The following SPACA9 variants were observed in gnomAD, a reference collection of about 807,000 sequenced individuals.
The protein encoded by SPACA9 is sperm acrosome associated 9, also known as sperm acrosome-associated protein 9.
In SPACA9, 14 loss-of-function variants were observed where a neutral mutation model predicts 12.5. The ratio of observed to expected loss-of-function variants is 1.12; its 90% CI spans 0.74 to 1.75. SPACA9 has a LOEUF of 1.75. SPACA9 is among the 40% of genes most tolerant of loss of function. The probability of loss-of-function intolerance (pLI) is 0.00; values close to 1 mark genes in which losing one functional copy is unlikely to be tolerated. For synonymous variants in SPACA9, 111 were observed against 114.1 expected (o/e 0.97, Z 0.17); for missense variants, 292 against 291.9 (o/e 1.00, Z 0.00).
At chr9:132,885,311 G>A (rs1844536122) in intron 2 of SPACA9, among the ~76,000 whole-genome samples, 1 of 151,886 alleles carries the variant, frequency 6.6e-6, no homozygotes, top group Non-Finnish European at 1.5e-5. Context: ...GCCAGGAGTG[G>A]AGACCAGCCT....
Position 132,887,436 on chromosome 9 carries a change from A to G in SPACA9, c.212A>G (p.Asp71Gly). The G allele has an allele frequency of 6.2e-7, 1 of 1,612,942 alleles. No homozygotes were observed. The highest frequency in any genetic ancestry group is 2.2e-5 in the East Asian group (1 of 44,876). The change falls in exon 3 of 4, where the codon GAC (aspartate) becomes GGC (glycine). Residue 71 changes from aspartate to glycine, a missense_variant. Asp to Gly is a moderately conservative substitution (Grantham distance 94). Transcript: ENST00000356311. The surrounding 1 kb of genome is among the most constrained non-coding windows in gnomAD (Gnocchi z 5.4). ...CGGCGGGTTCTGCTCATGTTCCTGG[A>G]CATCTGTTCAGAGCTGAATAAGCTC... is the stretch of plus-strand genomic sequence containing the variant. ...TDRRVLLMFL[D>G]ICSELNKLCQ...
In SPACA9 at chr9:132,888,819, G is replaced by C; in HGVS notation, c.*208G>C. The stretch of plus-strand genomic sequence containing the variant: ...GTCTCGCTCTGTCGCCCAGGCTGGA[G>C]TGCGGTGGCGCAACCTCGGCTCACT... On this transcript the variant is annotated 3_prime_UTR_variant, in exon 4 of 4. Coordinates refer to ENST00000356311, the MANE Select transcript of SPACA9 (RefSeq NM_001316897.2). This position sits in a 1 kb window ranked among gnomAD's most constrained non-coding sequence, Gnocchi z 5.0. The C allele has an allele frequency of 8.2e-7, 1 of 1,220,344 alleles. No individual in the cohort carries two copies. The highest frequency in any genetic ancestry group is 1.9e-5 in the South Asian group (1 of 53,002). The allele number at this position is 1,220,344 out of a possible 1,614,324, so 75.6% of individuals were successfully genotyped here. A position where few individuals can be genotyped will look rare whatever the true frequency, so the allele number is the denominator to read the frequency against.
Position 132,889,693 on chromosome 9 carries a change from G to A in SPACA9, c.*1082G>A. ...GCCTCCCAAAGTGCTGGGATTACAG[G>A]TGTGAGCCACGGCACCTGGCCAGAA... is the stretch of plus-strand genomic sequence containing the variant. On this transcript the variant is annotated 3_prime_UTR_variant, in exon 4 of 4. Transcript: ENST00000356311. 1.9e-6 allele frequency: 2 copies of A among 1,080,526 alleles called. No homozygotes were observed. The highest frequency in any genetic ancestry group is 2.2e-6 in the Non-Finnish European group (2 of 889,760). The allele number at this position is 1,080,526 out of a possible 1,614,324, so 66.9% of individuals were successfully genotyped here.
rs950155509 is a variant in SPACA9 at position 132,889,780 on chromosome 9, G to A, written c.*1169G>A. The A allele has an allele frequency of 1.0e-5, 13 of 1,301,168 alleles. No individual in the cohort carries two copies. Among genetic ancestry groups the A allele is most frequent in the African/African-American group, 6.1e-5 (4 of 65,866 alleles). 80.6% of individuals were successfully genotyped at this position (1,301,168 alleles called of 1,614,324 possible). On this transcript the variant is annotated 3_prime_UTR_variant, in exon 4 of 4. Transcript: ENST00000356311. ...AGGGGAATAAACTCACCTTTCCTTC[G>A]CCTTTACTTGGGAGAGGGAGACCAT...
chr9:132,878,568 C>T, upstream of SPACA9: 1 of 1,138,642 alleles, frequency 8.8e-7, no homozygotes, highest in Non-Finnish European at 1.1e-6. This position sits in a 1 kb window ranked among gnomAD's most constrained non-coding sequence, Gnocchi z 4.7. Flanking sequence ...GGCAAGTCGG[C>T]CCTCCGAGGG....
At chr9:132,878,847 A>G, upstream of SPACA9, 1 of 898,210 alleles carries the variant, frequency 1.1e-6, no homozygotes, top group African/African-American at 1.8e-5. This position sits in a 1 kb window ranked among gnomAD's most constrained non-coding sequence, Gnocchi z 4.7. Context: ...CACCGGCGGT[A>G]ACAATCACGC....
chr9:132,883,357 TG>T (rs1332554301), intron 1 of SPACA9, among the ~76,000 whole-genome samples: 25 of 152,238 alleles, frequency 1.6e-4, no homozygotes, highest in African/African-American at 5.8e-4. Context: ...GCTTAATCCA[TG>T]GGAAGGAATT....
intron 2 of SPACA9, among the ~76,000 whole-genome samples, chr9:132,885,896 G>A (rs1844550636): frequency 6.6e-6 from 1 of 151,858 alleles, no homozygotes; most frequent in Non-Finnish European, 1.5e-5. Flanking sequence ...AGTGTCCAAA[G>A]GTTCCCTGCA....
Position 132,888,463 on chromosome 9 carries a change from AGAGCACCAGGG to A in SPACA9, c.526_536del (p.Thr176ArgfsTer15), listed in dbSNP as rs1844636830. ...GTGAGTGAGCCCCAGGCGCACCAGG[AGAGCACCAGGG>A]GAGCCGCTCGTCCTGCCCAGGCCAT... On this transcript the variant is annotated frameshift_variant, in exon 4 of 4. Transcript: ENST00000356311. LOFTEE classifies it low-confidence loss of function (END_TRUNC). This position sits in a 1 kb window ranked among gnomAD's most constrained non-coding sequence, Gnocchi z 5.0. The A allele has an allele frequency of 6.2e-7, 1 of 1,612,572 alleles. No homozygotes were observed. The highest frequency in any genetic ancestry group is 8.5e-7 in the Non-Finnish European group (1 of 1,179,490).
At chr9:132,886,144 T>C (rs1844559744) in intron 2 of SPACA9, among the ~76,000 whole-genome samples, 2 of 152,230 alleles carry the variant, frequency 1.3e-5, no homozygotes, top group African/African-American at 2.4e-5. Flanking sequence ...ATGTAGACCT[T>C]TGTGGGTGCT....
chr9:132,890,130 C>CAG, downstream of SPACA9: 1 of 795,290 alleles, frequency 1.3e-6, no homozygotes, highest in Non-Finnish European at 1.8e-6. Flanking sequence ...CAGCAGACAG[C>CAG]AGAGAGAGAG....
At chr9:132,884,359 C>T (rs534114011) in intron 2 of SPACA9, among the ~76,000 whole-genome samples, 1 of 152,330 alleles carries the variant, frequency 6.6e-6, no homozygotes, top group Non-Finnish European at 1.5e-5. Flanking sequence ...GCTGTGATCT[C>T]AGGCCAATGA....
At position 132,887,479 on chromosome 9, in the gene SPACA9, CG is replaced by C; in HGVS notation, c.256del (p.Val86CysfsTer25). 1 of 1,613,992 alleles carries C rather than the reference CG, an allele frequency of 6.2e-7. No homozygotes were observed. The highest frequency in any genetic ancestry group is 8.5e-7 in the Non-Finnish European group (1 of 1,180,006). Reference sequence around the variant, plus strand: ...ATAAGCTCTGCCAGCACTTTGAGGCCGTGCACTCTGGCACCCCAGTCACCAA... The same window carrying C: ...ATAAGCTCTGCCAGCACTTTGAGGCCTGCACTCTGGCACCCCAGTCACCAA... ...LNKLCQHFEA[V>X]HSGTPVTNNL... On this transcript the variant is annotated frameshift_variant, in exon 3 of 4. Transcript: ENST00000356311. LOFTEE classifies it high-confidence loss of function. The surrounding 1 kb of genome is among the most constrained non-coding windows in gnomAD (Gnocchi z 5.4).
upstream of SPACA9, chr9:132,878,578 G>A: frequency 8.9e-7 from 1 of 1,121,932 alleles, no homozygotes; most frequent in Non-Finnish European, 1.1e-6. This position sits in a 1 kb window ranked among gnomAD's most constrained non-coding sequence, Gnocchi z 4.7. Flanking sequence ...CCCTCCGAGG[G>A]GACGGGAGGC....
chr9:132,884,527 T>C (rs375946769), intron 2 of SPACA9, among the ~76,000 whole-genome samples: 4 of 152,350 alleles, frequency 2.6e-5, no homozygotes, highest in East Asian at 1.9e-4. Flanking sequence ...CACCGCCAGG[T>C]GCTTTCGCAG....
At position 132,889,724 on chromosome 9, in the gene SPACA9, T is replaced by G; in HGVS notation, c.*1113T>G. 1.7e-6 allele frequency: 2 copies of G among 1,192,660 alleles called. No individual in the cohort carries two copies. The highest frequency in any genetic ancestry group is 7.5e-5 in the East Asian group (2 of 26,654). 73.9% of individuals were successfully genotyped at this position (1,192,660 alleles called of 1,614,324 possible). A position where few individuals can be genotyped will look rare whatever the true frequency, so the allele number is the denominator to read the frequency against. On this transcript the variant is annotated 3_prime_UTR_variant, in exon 4 of 4. Coordinates refer to ENST00000356311, the MANE Select transcript of SPACA9 (RefSeq NM_001316897.2). ...GCCACGGCACCTGGCCAGAACTCAG[T>G]AGTGTGTTTAGTTCTCTGGACCACA...
chr9:132,881,006 A>G (rs1324148636), intron 1 of SPACA9, among the ~76,000 whole-genome samples: 2 of 151,904 alleles, frequency 1.3e-5, no homozygotes, highest in African/African-American at 4.8e-5. Context: ...TTGTATTTTT[A>G]TTACAGACAG....
chr9:132,884,680 G>A lies in SPACA9; in HGVS notation c.144+589G>A, dbSNP rs529530398. Among the ~76,000 whole-genome samples, 20 of 110,372 alleles carry A rather than the reference G, an allele frequency of 1.8e-4. No individual in the cohort carries two copies. The South Asian group carries it at 5.2e-3, about 29-fold the overall frequency. 72.4% of individuals were successfully genotyped at this position (110,372 alleles called of 152,430 possible). On this transcript the variant is annotated intron_variant, in intron 2 of 3. Coordinates refer to ENST00000356311, the MANE Select transcript of SPACA9 (RefSeq NM_001316897.2). ...GTGCAGTTAGGAACACACACAGGCC[G>A]GCCCTTCACAGCTTGGAGGGAGTCA...
At chr9:132,880,689 A>G (rs1564455810) in intron 1 of SPACA9, among the ~76,000 whole-genome samples, 1 of 152,200 alleles carries the variant, frequency 6.6e-6, no homozygotes, top group East Asian at 1.9e-4. Context: ...TTAATGCAAT[A>G]TATTTTAAAA....
Sources: gnomAD v4.1 joint callset for allele counts (sites outside exome capture counted in the v4.1 genomes callset) on GRCh38, gnomAD v4.1.1 for gene constraint, Gnocchi (gnomAD v3.1) non-coding constraint, MANE v1.5 for transcripts, NCBI Gene and HGNC (gene_info 2026-07-23, HGNC 2026-07-21) for gene names.